ELF1: variants seen among roughly 807,000 people sequenced by gnomAD.
ELF1 encodes E74 like ETS transcription factor 1.
Under a neutral mutation model 59.9 loss-of-function variants are expected in ELF1, and 24 were observed. The ratio of observed to expected loss-of-function variants is 0.40; its 90% CI spans 0.29 to 0.56. ELF1 has a LOEUF of 0.56. Among genes scored for constraint, ELF1 ranks in the 20% least tolerant of loss-of-function variants. The pLI is 0.44. For synonymous variants in ELF1, 248 were observed against 266.2 expected (o/e 0.93, Z 0.67); for missense variants, 627 against 742.2 (o/e 0.84, Z 1.80).
rs564586564 is a variant in ELF1 at position 40,952,734 on chromosome 13, T to C, written c.254-1298A>G. Among the ~76,000 whole-genome samples the C allele has an allele frequency of 2.1e-3, 317 of 152,194 alleles. 1 individual carries two copies. The highest frequency in any genetic ancestry group is 3.7e-3 in the Non-Finnish European group (255 of 68,004). On this transcript the variant is annotated intron_variant, in intron 3 of 8. Coordinates refer to ENST00000239882, the MANE Select transcript of ELF1 (RefSeq NM_172373.4). ...ATGAAAATTTTAAACAAAATAAAAA[T>C]TGTGGAGTATAGTATATATAATGAA...
chr13:41,058,252 T>G (rs1376927736), intron 1 of ELF1, among the ~76,000 whole-genome samples: 2 of 152,214 alleles, frequency 1.3e-5, no homozygotes, highest in Admixed American at 6.5e-5. Flanking sequence ...ATTCCCAGCT[T>G]GATCTCCCAT....
chr13:40,954,777 T>C (rs1174624785), intron 3 of ELF1, among the ~76,000 whole-genome samples: 3 of 150,402 alleles, frequency 2.0e-5, no homozygotes, highest in East Asian at 2.0e-4. Flanking sequence ...TGGAGTGCAG[T>C]GGCGTGATCT....
At chr13:40,963,690 C>T (rs1319032397) in intron 2 of ELF1, among the ~76,000 whole-genome samples, 2 of 152,126 alleles carry the variant, frequency 1.3e-5, no homozygotes, top group Non-Finnish European at 2.9e-5. Context: ...GGGCGGATCA[C>T]GAGGTCAAGA....
chr13:41,048,204 T>C (rs1315541300), intron 1 of ELF1, among the ~76,000 whole-genome samples: 1 of 152,212 alleles, frequency 6.6e-6, no homozygotes. Context: ...GAAAGGGAAT[T>C]CCCTGACCCC....
intron 5 of ELF1, among the ~76,000 whole-genome samples, chr13:40,948,202 A>C (rs9532679): frequency 0.11 from 16,960 of 152,262 alleles, 1,289 homozygotes; most frequent in Admixed American, 0.16. Flanking sequence ...ATGTACACTT[A>C]ACATGTGATC....
intron 6 of ELF1, 85 bp from the exon 7 acceptor site, chr13:40,943,229 C>T (rs1244122690): frequency 8.6e-7 from 1 of 1,166,516 alleles, no homozygotes; most frequent in Non-Finnish European, 1.1e-6. Context: ...CTTAGAAGTG[C>T]CATTTATATT....
rs958153841 is a variant in ELF1 at position 41,037,106 on chromosome 13, AAT to A, written c.-229+23730_-229+23731del. 2.9e-3 allele frequency among the ~76,000 whole-genome samples: 434 copies of A among 151,080 alleles called. 2 individuals carry two copies. Among genetic ancestry groups the A allele is most frequent in the African/African-American group, 9.7e-3 (398 of 41,194 alleles). On this transcript the variant is annotated intron_variant, in intron 1 of 1. Coordinates refer to the ELF1 transcript ENST00000405737. ...TACCCTAGAACTTAAAGTATAATAA[AAT>A]ATATATATATATTAAAAAAAACCTT...
chr13:41,038,483 C>T (rs940039092), intron 1 of ELF1, among the ~76,000 whole-genome samples: 4 of 152,174 alleles, frequency 2.6e-5, no homozygotes, highest in African/African-American at 7.2e-5. Flanking sequence ...CACCACTGCT[C>T]TCCAGTCTGG....
chr13:40,943,828 T>A lies in ELF1; in HGVS notation c.613+14A>T. On this transcript the variant is annotated intron_variant, in intron 6 of 8. Coordinates refer to ENST00000239882, the MANE Select transcript of ELF1 (RefSeq NM_172373.4). ...CTGAGTGTTATTTGACCTATAAGTA[T>A]TACACAGTAGTACCCTTTCCATCTT... 6.2e-7 allele frequency: 1 copy of A among 1,607,398 alleles called. No homozygotes were observed. The highest frequency in any genetic ancestry group is 8.5e-7 in the Non-Finnish European group (1 of 1,175,258).
intron 1 of ELF1, among the ~76,000 whole-genome samples, chr13:40,994,375 G>A (rs929801218): frequency 2.0e-5 from 3 of 152,192 alleles, no homozygotes; most frequent in Admixed American, 6.5e-5. Context: ...AGGTGCAGTG[G>A]CTCATGCCTG....
intron 1 of ELF1, among the ~76,000 whole-genome samples, chr13:41,057,763 GGCCCAAGAGACA>G (rs1877342375): frequency 6.6e-6 from 1 of 152,148 alleles, no homozygotes; most frequent in Non-Finnish European, 1.5e-5. Context: ...ACTAATTTAT[GGCCCAAGAGACA>G]GCACCTAAAA....
chr13:41,040,067 G>T (rs1318684121), intron 1 of ELF1, among the ~76,000 whole-genome samples: 1 of 152,192 alleles, frequency 6.6e-6, no homozygotes, highest in Non-Finnish European at 1.5e-5. Flanking sequence ...ATTTATGAGA[G>T]TCCAAAGAGT....
chr13:40,965,602 T>C (rs1053394233), intron 2 of ELF1, among the ~76,000 whole-genome samples: 1 of 151,638 alleles, frequency 6.6e-6, no homozygotes, highest in Non-Finnish European at 1.5e-5. Flanking sequence ...ACCTGGGTGA[T>C]AGAGCAAGAT....
Position 40,940,407 on chromosome 13 carries a change from A to AC in ELF1, c.1256+513_1256+514insG, listed in dbSNP as rs1263646033. ...AACTGAAAAAAAAAAAAAAAAAAAA[A>AC]AAAAAAAAAAACAAACCTACTTTTT... is the stretch of plus-strand genomic sequence containing the variant. On this transcript the variant is annotated intron_variant, in intron 8 of 8. Transcript: ENST00000239882. Among the ~76,000 whole-genome samples the AC allele has an allele frequency of 1.8e-4, 14 of 77,174 alleles. No individual in the cohort carries two copies. In the East Asian group the frequency reaches 2.5e-3, roughly 14 times the overall value. 50.6% of individuals were successfully genotyped at this position (77,174 alleles called of 152,430 possible).
At chr13:40,973,865 A>G (rs1433812547) in intron 2 of ELF1, among the ~76,000 whole-genome samples, 1 of 152,240 alleles carries the variant, frequency 6.6e-6, no homozygotes, top group Non-Finnish European at 1.5e-5. Flanking sequence ...ATGGCACAAC[A>G]CAGATGAACC....
At chr13:40,949,175 G>A (rs1870689741) in intron 5 of ELF1, among the ~76,000 whole-genome samples, 1 of 151,712 alleles carries the variant, frequency 6.6e-6, no homozygotes, top group South Asian at 2.1e-4. Flanking sequence ...TAGTAGAGAC[G>A]GGGTTTCACC....
chr13:41,051,996 A>G (rs963785290), intron 1 of ELF1, among the ~76,000 whole-genome samples: 1 of 143,020 alleles, frequency 7.0e-6, no homozygotes, highest in African/African-American at 2.7e-5. Context: ...GCTAGAGTGC[A>G]ATGGCATGAT....
intron 1 of ELF1, among the ~76,000 whole-genome samples, chr13:41,056,449 A>G (rs1877290003): frequency 6.6e-6 from 1 of 152,156 alleles, no homozygotes; most frequent in South Asian, 2.1e-4. Flanking sequence ...ATTTGTATAC[A>G]AGGTTTGGTG....
At chr13:40,989,303 C>T (rs1434790992) in intron 1 of ELF1, among the ~76,000 whole-genome samples, 1 of 152,172 alleles carries the variant, frequency 6.6e-6, no homozygotes, top group African/African-American at 2.4e-5. Context: ...GGAAAAAACA[C>T]AAGTTAATGT....
Sources: allele counts gnomAD v4.1 joint callset (sites outside exome capture counted in the v4.1 genomes callset), GRCh38; gene constraint gnomAD v4.1.1; transcripts MANE v1.5; gene names NCBI Gene and HGNC (gene_info 2026-07-23, HGNC 2026-07-21).